The following RUSF1 variants were observed in gnomAD, a reference collection of about 807,000 sequenced individuals.
The protein encoded by RUSF1 is RUS family member 1, also known as RUS1 family protein C16orf58.
RUSF1 carries 58 observed loss-of-function variants against 63.0 expected under a neutral mutation model. That is an observed-to-expected ratio of 0.92 (90% CI 0.75 to 1.15). The LOEUF (loss-of-function observed/expected upper bound fraction) is 1.15, where lower values mean the gene tolerates loss of function less well. Ranked by LOEUF, RUSF1 falls within the 50% of genes most tolerant of loss-of-function variation. The pLI is 0.00. For synonymous variants in RUSF1, 274 were observed against 255.8 expected (o/e 1.07, Z -0.68); for missense variants, 652 against 611.0 (o/e 1.07, Z -0.71).
At chr16:31,495,230 T>A (rs1220764303) in intron 6 of RUSF1, among the ~76,000 whole-genome samples, 1 of 152,132 alleles carries the variant, frequency 6.6e-6, no homozygotes, top group Admixed American at 6.5e-5. Flanking sequence ...CCCTGACTAC[T>A]GGGCTCCCAG....
rs752629971 is a variant in RUSF1, at chr16:31,490,448, C to T, written c.*387G>A. ...CAGCCAGGCGGCTGGAGGACATCAG[C>T]GAGGACCCGAGCTGGGCCCGTGTGG... On this transcript the variant is annotated 3_prime_UTR_variant, in exon 13 of 13. Transcript: ENST00000327237. 9.3e-6 allele frequency: 15 copies of T among 1,613,760 alleles called. No homozygotes were observed. The highest frequency in any genetic ancestry group is 2.2e-5 in the East Asian group (1 of 44,896).
In RUSF1 at chr16:31,493,859, G is replaced by A. The variant is rs772359749; in HGVS notation, c.773+7C>T. 22 of 1,614,070 alleles carry A rather than the reference G, an allele frequency of 1.4e-5. No individual in the cohort carries two copies. The highest frequency in any genetic ancestry group is 4.0e-5 in the African/African-American group (3 of 74,930). On this transcript the variant is annotated splice_region_variant and intron_variant, in intron 7 of 12. Transcript: ENST00000327237. The stretch of plus-strand genomic sequence containing the variant: ...GGGTTCTCCTGCCCACCCTGCTTCC[G>A]GCTTACCCAGGGCAACCTGACACCA...
rs1436080482 is a variant in RUSF1 at position 31,490,286 on chromosome 16, T to C, written c.*549A>G. The C allele has an allele frequency of 1.2e-6, 2 of 1,613,484 alleles. No individual in the cohort carries two copies. Among genetic ancestry groups the C allele is most frequent in the Admixed American group, 1.7e-5 (1 of 59,948 alleles). On this transcript the variant is annotated 3_prime_UTR_variant, in exon 13 of 13. Transcript: ENST00000327237. ...AGGAGCTGAGTTCCCGCAAACTAAC[T>C]GCAGGGCCTCAATTTCCCTCAGAGC...
rs1205409397 is a variant in RUSF1 at position 31,493,806 on chromosome 16, G to A, written c.774-19C>T. On this transcript the variant is annotated intron_variant, in intron 7 of 12. Coordinates refer to ENST00000327237, the MANE Select transcript of RUSF1 (RefSeq NM_022744.4). ...GCTGAAGCTGGGGTGAGAGAGTGAGGTAGCTGAAGTGGGCAGAGGCCCAGC... is the reference window on the plus strand; with the variant it reads ...GCTGAAGCTGGGGTGAGAGAGTGAGATAGCTGAAGTGGGCAGAGGCCCAGC... 1.2e-6 allele frequency: 2 copies of A among 1,614,064 alleles called. No homozygotes were observed. Among genetic ancestry groups the A allele is most frequent in the Non-Finnish European group, 1.7e-6 (2 of 1,180,018 alleles).
rs148760554 is a variant in RUSF1 at position 31,492,234 on chromosome 16, T to C, written c.1194A>G (p.Pro398=). 6.8e-6 allele frequency: 11 copies of C among 1,613,026 alleles called. No individual in the cohort carries two copies. The African/African-American group carries it at 1.3e-4, about 20-fold the overall frequency. Residue 398 remains proline (P), a synonymous_variant, in exon 11 of 13, where the codon CCA becomes CCG. Transcript: ENST00000327237. The stretch of plus-strand genomic sequence containing the variant: ...GGTTCCTCAGCTCCTCCAGCTCTGC[T>C]GGAAGGGGTCCATCTCCCTGCAGGG... ...LGALQGDGPL[P]AELEELRNRV...
In RUSF1 at chr16:31,499,528, G is replaced by A. The variant is rs1402165865; in HGVS notation, c.462-3C>T. On this transcript the variant is annotated splice_region_variant and splice_polypyrimidine_tract_variant and intron_variant, in intron 3 of 12. Transcript: ENST00000327237. Reference sequence around the variant, plus strand: ...TGGCATTGCAGTCCAGTTTGCTCCTGTTGGGGAGGAGAGGTTGTTGTAATT... The same window carrying A: ...TGGCATTGCAGTCCAGTTTGCTCCTATTGGGGAGGAGAGGTTGTTGTAATT... 1 of 1,602,298 alleles carries A rather than the reference G, an allele frequency of 6.2e-7. No homozygotes were observed. Among genetic ancestry groups the A allele is most frequent in the Non-Finnish European group, 8.5e-7 (1 of 1,174,408 alleles).
At position 31,490,830 on chromosome 16, in the gene RUSF1, G is replaced by A. The variant is rs772985881; in HGVS notation, c.*5C>T. The A allele has an allele frequency of 1.7e-5, 27 of 1,614,088 alleles. No homozygotes were observed. In the South Asian group the frequency reaches 2.4e-4, roughly 14 times the overall value. ...GCCCTGGGCTTGGGCCTCCGTCTGG[G>A]CTGCTCACAAGACCTTCTTTTCGGG... On this transcript the variant is annotated 3_prime_UTR_variant, in exon 13 of 13. Transcript: ENST00000327237.
intron 6 of RUSF1, 105 bp downstream of exon 6, chr16:31,496,743 CA>C: frequency 1.0e-6 from 1 of 974,318 alleles, no homozygotes; most frequent in Non-Finnish European, 1.5e-6. Context: ...CAGCAGGGAG[CA>C]CCCATACTTC....
At position 31,498,236 on chromosome 16, in the gene RUSF1, T is replaced by C. The variant is rs115999253; in HGVS notation, c.600+1066A>G. Among the ~76,000 whole-genome samples, 980 of 152,226 alleles carry C rather than the reference T, an allele frequency of 6.4e-3. 17 individuals carry two copies. The highest frequency in any genetic ancestry group is 0.023 in the African/African-American group (935 of 41,528). ...GTCTTAAGAGGGAAGCTCATGGCCC[T>C]GTTCCATTCCCTTGTTGGACAGATG... On this transcript the variant is annotated intron_variant, in intron 5 of 12. Transcript: ENST00000327237.
At chr16:31,504,458 G>A (rs2082648011) in intron 2 of RUSF1, among the ~76,000 whole-genome samples, 1 of 152,032 alleles carries the variant, frequency 6.6e-6, no homozygotes, top group Admixed American at 6.6e-5. Flanking sequence ...TAGTACAGAT[G>A]GCGTTTTACC....
chr16:31,491,895 G>A (rs1428028375), intron 12 of RUSF1, 114 bp downstream of exon 12: 25 of 1,147,630 alleles, frequency 2.2e-5, no homozygotes, highest in Non-Finnish European at 2.9e-5. Context: ...CTCTGCACCA[G>A]GCCCAAGAAC....
At chr16:31,497,387 G>A (rs1484632306) in intron 5 of RUSF1, among the ~76,000 whole-genome samples, 1 of 151,976 alleles carries the variant, frequency 6.6e-6, no homozygotes, top group Admixed American at 6.6e-5. Flanking sequence ...GACCTCCCAG[G>A]GTACCCAGAT....
At chr16:31,501,658 C>G (rs529758457) in intron 2 of RUSF1, among the ~76,000 whole-genome samples, 2 of 152,006 alleles carry the variant, frequency 1.3e-5, no homozygotes, top group Non-Finnish European at 2.9e-5. Flanking sequence ...GACAGGCCTC[C>G]TTAGGCTGGG....
rs1346076836 is a variant in RUSF1 at position 31,489,861 on chromosome 16, G to A, written c.*974C>T. The stretch of plus-strand genomic sequence containing the variant: ...CTACCATCTGGGTGTAGACAGACCT[G>A]AGCTGACAAAGCTGGGGGAGCAAGG... On this transcript the variant is annotated 3_prime_UTR_variant, in exon 13 of 13. Transcript: ENST00000327237. 2 of 545,822 alleles carry A rather than the reference G, an allele frequency of 3.7e-6. No individual in the cohort carries two copies. Among genetic ancestry groups the A allele is most frequent in the Admixed American group, 2.7e-5 (1 of 37,144 alleles). The allele number at this position is 545,822 out of a possible 1,614,324, so 33.8% of individuals were successfully genotyped here. A position where few individuals can be genotyped will look rare whatever the true frequency, so the allele number is the denominator to read the frequency against.
At position 31,499,501 on chromosome 16, in the gene RUSF1, C is replaced by A. The variant is rs1317802955; in HGVS notation, c.486G>T (p.Lys162Asn). The change falls in exon 4 of 13, where the codon AAG becomes AAT. Residue 162 changes from lysine to asparagine, a missense_variant. Transcript: ENST00000327237. ...WKGSKLDCNAKQWRLFADILN... is the reference protein window; with the variant it reads ...WKGSKLDCNANQWRLFADILN... ...TCCCCGCCCCTCCTCACCTCCACTG[C>A]TTGGCATTGCAGTCCAGTTTGCTCC... The A allele has an allele frequency of 6.2e-7, 1 of 1,607,208 alleles. No homozygotes were observed. Among genetic ancestry groups the A allele is most frequent in the Non-Finnish European group, 8.5e-7 (1 of 1,177,148 alleles).
rs114618170 is a variant in RUSF1, at chr16:31,496,792, G to T, written c.702+57C>A. On this transcript the variant is annotated intron_variant, in intron 6 of 12. Transcript: ENST00000327237. ...CCTGGGCCCTCCAGGGCACTCAAGT[G>T]GCTTCTCTCCCCTTCCCCTCCCCAC... The T allele has an allele frequency of 4.7e-5, 67 of 1,419,572 alleles. 1 individual carries two copies. The African/African-American group carries it at 8.9e-4, about 19-fold the overall frequency. 87.9% of individuals were successfully genotyped at this position (1,419,572 alleles called of 1,614,324 possible).
chr16:31,501,596 G>GAA (rs1258273909), intron 2 of RUSF1, among the ~76,000 whole-genome samples: 13 of 120,092 alleles, frequency 1.1e-4, no homozygotes, highest in South Asian at 2.7e-4. Flanking sequence ...CCAGTCTCAG[G>GAA]AAAAAAAAAA....
At chr16:31,497,077 C>A in intron 5 of RUSF1, 127 bp from the exon 6 acceptor site, 2 of 684,852 alleles carry the variant, frequency 2.9e-6, no homozygotes, top group Admixed American at 2.6e-5. Flanking sequence ...CTAGTTCTCA[C>A]CTTGATGCCC....
Position 31,490,004 on chromosome 16 carries a change from G to A in RUSF1, c.*831C>T. 6.6e-7 allele frequency: 1 copy of A among 1,505,410 alleles called. No individual in the cohort carries two copies. Among genetic ancestry groups the A allele is most frequent in the Non-Finnish European group, 9.1e-7 (1 of 1,095,992 alleles). The allele number at this position is 1,505,410 out of a possible 1,614,324, so 93.3% of individuals were successfully genotyped here. A position where few individuals can be genotyped will look rare whatever the true frequency, so the allele number is the denominator to read the frequency against. On this transcript the variant is annotated 3_prime_UTR_variant, in exon 13 of 13. Coordinates refer to ENST00000327237, the MANE Select transcript of RUSF1 (RefSeq NM_022744.4). ...GGCTGGGTGTGTAGACTGGACAGAG[G>A]TGGGTAGGGCAGGCAGTGACGAGCT...
Sources: gnomAD v4.1 joint callset for allele counts (sites outside exome capture counted in the v4.1 genomes callset) on GRCh38, gnomAD v4.1.1 for gene constraint, MANE v1.5 for transcripts, NCBI Gene and HGNC (gene_info 2026-07-23, HGNC 2026-07-21) for gene names.